The following SAV1 variants were observed in gnomAD, a reference collection of about 807,000 sequenced individuals.
SAV1 encodes salvador family WW domain containing protein 1.
Under a neutral mutation model 47.3 loss-of-function variants are expected in SAV1, and 23 were observed. The observed-to-expected ratio is 0.49, with a 90% CI of 0.35 to 0.69. The LOEUF is 0.69. Ranked by LOEUF, SAV1 falls within the 30% of genes least tolerant of loss-of-function variation. The probability of loss-of-function intolerance (pLI) is 0.01; values close to 1 mark genes in which losing one functional copy is unlikely to be tolerated. For missense variants in SAV1, 448 were observed against 457.4 expected (o/e 0.98, Z 0.19); for synonymous variants, 155 against 159.2 (o/e 0.97, Z 0.20).
At chr14:50,645,681 A>G (rs927945177) in intron 2 of SAV1, among the ~76,000 whole-genome samples, 3 of 132,012 alleles carry the variant, frequency 2.3e-5, no homozygotes, top group Non-Finnish European at 3.4e-5. Context: ...GCCAAAAGAA[A>G]AGTGGGAAAA....
At chr14:50,656,512 C>T (rs772155075) in intron 2 of SAV1, among the ~76,000 whole-genome samples, 51 of 150,762 alleles carry the variant, frequency 3.4e-4, no homozygotes, top group Non-Finnish European at 5.9e-4. Flanking sequence ...GCGCGATCTC[C>T]GCTCACTGCA....
intron 2 of SAV1, among the ~76,000 whole-genome samples, chr14:50,659,081 T>A (rs1008844748): frequency 9.9e-5 from 15 of 151,438 alleles, no homozygotes; most frequent in East Asian, 5.8e-4. Context: ...GAATTTTTTT[T>A]TTTTTTTTTT....
chr14:50,667,205 T>C (rs1178450118), intron 1 of SAV1, among the ~76,000 whole-genome samples: 4 of 144,528 alleles, frequency 2.8e-5, no homozygotes, highest in African/African-American at 8.0e-5. Flanking sequence ...ATCTACCCTA[T>C]TAAAAAAAAA....
At chr14:50,651,271 GAAT>G (rs149632685) in intron 2 of SAV1, among the ~76,000 whole-genome samples, 8,828 of 151,992 alleles carry the variant, frequency 0.058, 312 homozygotes, top group African/African-American at 0.098. Context: ...ATATGAAAGA[GAAT>G]AATATGAATA....
At chr14:50,642,524 A>G (rs958179841) in intron 3 of SAV1, among the ~76,000 whole-genome samples, 1 of 151,792 alleles carries the variant, frequency 6.6e-6, no homozygotes, top group African/African-American at 2.4e-5. Context: ...AAAACTACCT[A>G]TCAGACACTA....
At chr14:50,653,140 A>G (rs1439399313) in intron 2 of SAV1, among the ~76,000 whole-genome samples, 1 of 152,248 alleles carries the variant, frequency 6.6e-6, no homozygotes, top group Admixed American at 6.5e-5. Flanking sequence ...AGAAACTAGC[A>G]TAGATTAAAT....
chr14:50,636,388 G>A (rs2039634816), intron 4 of SAV1, among the ~76,000 whole-genome samples: 1 of 152,120 alleles, frequency 6.6e-6, no homozygotes, highest in Non-Finnish European at 1.5e-5. Flanking sequence ...GTGGCTCTAA[G>A]TATTCTTGAG....
At chr14:50,658,255 T>C (rs1163488348) in intron 2 of SAV1, among the ~76,000 whole-genome samples, 3 of 152,218 alleles carry the variant, frequency 2.0e-5, no homozygotes, top group Non-Finnish European at 4.4e-5. Flanking sequence ...TCAGTCTGAT[T>C]TTTGTATCCT....
intron 2 of SAV1, among the ~76,000 whole-genome samples, chr14:50,646,967 A>G (rs895869746): frequency 6.6e-6 from 1 of 152,128 alleles, no homozygotes; most frequent in African/African-American, 2.4e-5. Context: ...TGGTCAACTG[A>G]TTTTTTTATA....
chr14:50,661,164 G>C (rs1026943581), intron 2 of SAV1, among the ~76,000 whole-genome samples: 1 of 152,186 alleles, frequency 6.6e-6, no homozygotes, highest in Non-Finnish European at 1.5e-5. Flanking sequence ...TCTGACTGGG[G>C]TAAGACACCT....
At chr14:50,655,301 T>C (rs538281888) in intron 2 of SAV1, among the ~76,000 whole-genome samples, 4 of 152,334 alleles carry the variant, frequency 2.6e-5, no homozygotes, top group South Asian at 2.1e-4. Flanking sequence ...TTCTAATGTA[T>C]AGTCAATTCA....
At chr14:50,636,942 C>T (rs2039639974) in intron 4 of SAV1, among the ~76,000 whole-genome samples, 1 of 152,146 alleles carries the variant, frequency 6.6e-6, no homozygotes, top group Non-Finnish European at 1.5e-5. Flanking sequence ...TATAGTATTT[C>T]CTACCCAGTG....
At chr14:50,656,837 C>G (rs186758740) in intron 2 of SAV1, among the ~76,000 whole-genome samples, 1 of 152,018 alleles carries the variant, frequency 6.6e-6, no homozygotes, top group African/African-American at 2.4e-5. Flanking sequence ...ATGTACAGTA[C>G]AAAACAATGC....
intron 2 of SAV1, among the ~76,000 whole-genome samples, chr14:50,658,023 A>T (rs2039827718): frequency 6.6e-6 from 1 of 152,176 alleles, no homozygotes; most frequent in Non-Finnish European, 1.5e-5. Flanking sequence ...CTAGTAATGG[A>T]TGCTACACAT....
rs979006573 is a variant in SAV1 at position 50,640,870 on chromosome 14, G to A, written c.830C>T (p.Pro277Leu). The A allele has an allele frequency of 5.6e-6, 9 of 1,612,930 alleles. No homozygotes were observed. The highest frequency in any genetic ancestry group is 7.6e-6 in the Non-Finnish European group (9 of 1,179,362). Residue 277 changes from proline to leucine, a missense_variant, in exon 4 of 5, where the codon CCT becomes CTT. Pro to Leu is a moderately conservative substitution (Grantham distance 98). Transcript: ENST00000324679. ...TTGCTGTGGCTGGTATGTGACAGGA[G>A]GTGGTTGATCATACCGAGGTACACT... ...APSVPRYDQPPPVTYQPQQTE... is the reference protein window; with the variant it reads ...APSVPRYDQPLPVTYQPQQTE...
Position 50,667,945 on chromosome 14 carries a change from T to C in SAV1, c.23A>G (p.Lys8Arg). The change falls in exon 1 of 5, where the codon AAA becomes AGA. Residue 8 changes from lysine to arginine, a missense_variant. Physicochemically the swap from Lys to Arg is conservative, Grantham distance 26 (BLOSUM62 2). Transcript: ENST00000324679. ...CTCGGCCGGCTTGGACACTTCGTTT[T>C]TGGTTTTCTTTCGGGACAGCATCCT... The part of the protein sequence containing the change: MLSRKKT[K>R]NEVSKPAEVQ... 1 of 1,611,916 alleles carries C rather than the reference T, an allele frequency of 6.2e-7. No individual in the cohort carries two copies. The highest frequency in any genetic ancestry group is 2.2e-5 in the East Asian group (1 of 44,716).
At chr14:50,656,440 ATTTTT>A (rs11288683) in intron 2 of SAV1, among the ~76,000 whole-genome samples, 2 of 120,596 alleles carry the variant, frequency 1.7e-5, no homozygotes, top group Admixed American at 8.9e-5. Flanking sequence ...CCCCAACTGT[ATTTTT>A]TTTTTTTTTT....
chr14:50,635,380 C>A lies in SAV1; in HGVS notation c.955G>T (p.Asp319Tyr). 1.2e-6 allele frequency: 2 copies of A among 1,613,380 alleles called. No homozygotes were observed. Among genetic ancestry groups the A allele is most frequent in the South Asian group, 2.2e-5 (2 of 91,008 alleles). ...QVYARAPVKYDHILKWELFQL... is the reference protein window; with the variant it reads ...QVYARAPVKYYHILKWELFQL... ...AAGAGTTCCCACTTCAGAATGTGGTCATATCTGTTTTAAAACACAATCATA... is the reference window on the plus strand; with the variant it reads ...AAGAGTTCCCACTTCAGAATGTGGTAATATCTGTTTTAAAACACAATCATA... The change falls in exon 5 of 5, where the codon GAC becomes TAC. Residue 319 changes from aspartate to tyrosine, a missense_variant. Physicochemically the swap from Asp to Tyr is radical, Grantham distance 160. Coordinates refer to ENST00000324679, the MANE Select transcript of SAV1 (RefSeq NM_021818.4).
At chr14:50,642,468 A>G (rs2039688494) in intron 3 of SAV1, among the ~76,000 whole-genome samples, 1 of 151,508 alleles carries the variant, frequency 6.6e-6, no homozygotes, top group South Asian at 2.1e-4. Flanking sequence ...CAGCCTTGGC[A>G]ACAAAAGTGA....
Sources: gnomAD v4.1 joint callset for allele counts (sites outside exome capture counted in the v4.1 genomes callset) on GRCh38, gnomAD v4.1.1 for gene constraint, MANE v1.5 for transcripts, NCBI Gene and HGNC (gene_info 2026-07-23, HGNC 2026-07-21) for gene names.